The following SHD variants were observed in gnomAD, a reference collection of about 807,000 sequenced individuals.
SHD encodes Src homology 2 domain containing transforming protein D.
In SHD, 29 loss-of-function variants were observed where a neutral mutation model predicts 31.2. The ratio of observed to expected loss-of-function variants is 0.93; its 90% CI spans 0.69 to 1.27. The LOEUF (loss-of-function observed/expected upper bound fraction) is 1.27. Among genes scored for constraint, SHD ranks in the 50% most tolerant of loss-of-function variants. The pLI is 0.00. For missense variants in SHD, 520 were observed against 453.8 expected (o/e 1.15, Z -1.33); for synonymous variants, 208 against 187.8 (o/e 1.11, Z -0.88).
intron 3 of SHD, among the ~76,000 whole-genome samples, chr19:4,284,102 G>A (rs1971284478): frequency 6.6e-6 from 1 of 151,754 alleles, no homozygotes; most frequent in Admixed American, 6.6e-5. Flanking sequence ...TCAGGAGTTC[G>A]AGACCAGCCT....
chr19:4,289,938 C>T (rs560299706), intron 5 of SHD, among the ~76,000 whole-genome samples: 235 of 151,086 alleles, frequency 1.6e-3, no homozygotes, highest in Non-Finnish European at 2.7e-3. Flanking sequence ...TGCAGTGGCA[C>T]AATATCAGCT....
chr19:4,281,202 T>C (rs1017563192), intron 1 of SHD, among the ~76,000 whole-genome samples: 2 of 151,472 alleles, frequency 1.3e-5, no homozygotes, highest in African/African-American at 4.9e-5. Context: ...TCCAGCACTT[T>C]GGGAGGTCGA....
intron 4 of SHD, among the ~76,000 whole-genome samples, chr19:4,286,823 T>C (rs908035033): frequency 6.6e-6 from 1 of 151,702 alleles, no homozygotes; most frequent in African/African-American, 2.4e-5. Context: ...GAGGTTGCAG[T>C]GAGCTGAGAT....
At chr19:4,286,088 C>T (rs1457827573) in intron 4 of SHD, among the ~76,000 whole-genome samples, 1 of 151,504 alleles carries the variant, frequency 6.6e-6, no homozygotes, top group Non-Finnish European at 1.5e-5. Flanking sequence ...GACAGAGTTT[C>T]ACCATGTTAG....
intron 3 of SHD, 21 bp downstream of exon 3, chr19:4,283,263 C>G (rs753643400): frequency 4.4e-6 from 7 of 1,596,682 alleles, no homozygotes; most frequent in Non-Finnish European, 6.0e-6. Context: ...GACCCACACT[C>G]TGACATCTGA....
intron 4 of SHD, among the ~76,000 whole-genome samples, chr19:4,287,675 C>G (rs930187064): frequency 2.6e-5 from 4 of 151,938 alleles, no homozygotes; most frequent in Admixed American, 1.3e-4. Context: ...GTTCCAGCTA[C>G]TCTGGAGGCT....
At chr19:4,286,273 T>TTC (rs1971314823) in intron 4 of SHD, among the ~76,000 whole-genome samples, 1 of 122,574 alleles carries the variant, frequency 8.2e-6, no homozygotes, top group African/African-American at 2.9e-5. Flanking sequence ...CTTTCTTTCT[T>TTC]TCTTTCTTTT....
chr19:4,284,438 G>A, intron 3 of SHD: 1 of 190,816 alleles, frequency 5.2e-6, no homozygotes, highest in Non-Finnish European at 1.1e-5. Flanking sequence ...TCTGTAGATT[G>A]GGGGTGATTT....
At chr19:4,281,719 C>G (rs1234738992) in intron 1 of SHD, among the ~76,000 whole-genome samples, 3 of 152,098 alleles carry the variant, frequency 2.0e-5, no homozygotes, top group African/African-American at 7.2e-5. Flanking sequence ...CATCGCGCCA[C>G]TGCACTCCAG....
chr19:4,287,296 C>T (rs550827117), intron 4 of SHD, among the ~76,000 whole-genome samples: 159 of 151,196 alleles, frequency 1.1e-3, no homozygotes, highest in African/African-American at 2.7e-3. Flanking sequence ...CGTGCCACTG[C>T]ACTCCAGCCT....
Position 4,280,115 on chromosome 19 carries a change from C to G in SHD, c.52C>G (p.Pro18Ala). 1 of 1,612,044 alleles carries G rather than the reference C, an allele frequency of 6.2e-7. No homozygotes were observed. Among genetic ancestry groups the G allele is most frequent in the Non-Finnish European group, 8.5e-7 (1 of 1,179,374 alleles). ...YLSFGGRRPP[P>A]QPPTPDYTES... ...GAGCTTTGGGGGTCGGAGGCCCCCT[C>G]CGCAGCCGCCCACCCCGGACTACAC... Residue 18 changes from proline (P) to alanine (A), a missense_variant, in exon 1 of 6, where the codon CCG (proline) becomes GCG (alanine). By Grantham distance (27) the Pro-to-Ala change is conservative (BLOSUM62 -1). Coordinates refer to ENST00000543264, the MANE Select transcript of SHD (RefSeq NM_020209.4).
Position 4,284,865 on chromosome 19 carries a change from C to T in SHD, c.677C>T (p.Ala226Val). The T allele has an allele frequency of 6.2e-7, 1 of 1,611,822 alleles. No homozygotes were observed. Among genetic ancestry groups the T allele is most frequent in the Non-Finnish European group, 8.5e-7 (1 of 1,179,082 alleles). Reference protein sequence around the residue: ...RRPPPRSPQPAERVDPALPLE... With the variant: ...RRPPPRSPQPVERVDPALPLE... ...CCTCCGCCCAGAAGCCCCCAGCCTG[C>T]GGAGCGTGTGGACCCAGCCCTGCCC... The change falls in exon 4 of 6, where the codon GCG becomes GTG. Residue 226 changes from alanine to valine, a missense_variant. Ala to Val is a moderately conservative substitution (Grantham distance 64, BLOSUM62 0). Transcript: ENST00000543264.
intron 3 of SHD, among the ~76,000 whole-genome samples, chr19:4,283,915 A>G (rs973651545): frequency 8.6e-5 from 13 of 152,006 alleles, no homozygotes; most frequent in Admixed American, 8.5e-4. Context: ...AGTAAACTAC[A>G]GGTGAATTTC....
At position 4,279,783 on chromosome 19, in the gene SHD, G is replaced by A; in HGVS notation, c.-281G>A. The stretch of plus-strand genomic sequence containing the variant: ...CCTAGCCCCCAGCGCGCGGGGTTCG[G>A]GGCCCTGCGAGGTCCCCCCTTCCCC... On this transcript the variant is annotated 5_prime_UTR_variant, in exon 1 of 6. Transcript: ENST00000543264. This position sits in a 1 kb window ranked among gnomAD's most constrained non-coding sequence, Gnocchi z 7.5. 2.2e-6 allele frequency: 1 copy of A among 464,802 alleles called. No homozygotes were observed. The highest frequency in any genetic ancestry group is 3.8e-6 in the Non-Finnish European group (1 of 262,584). The allele number at this position is 464,802 out of a possible 1,614,324, so 28.8% of individuals were successfully genotyped here.
chr19:4,285,052 C>T (rs1971295565), intron 4 of SHD, 148 bp downstream of exon 4: 2 of 1,042,756 alleles, frequency 1.9e-6, no homozygotes, highest in East Asian at 3.0e-5. Flanking sequence ...CTAATCTTTA[C>T]GGGCTCCAGA....
intron 4 of SHD, among the ~76,000 whole-genome samples, chr19:4,287,700 G>A (rs1168086912): frequency 5.3e-5 from 8 of 151,756 alleles, no homozygotes; most frequent in Non-Finnish European, 8.8e-5. Context: ...CAGGAGAATC[G>A]CTTGAACCCA....
At chr19:4,285,086 G>C (rs1156658743) in intron 4 of SHD, among the ~76,000 whole-genome samples, 182 bp downstream of exon 4, 1 of 152,186 alleles carries the variant, frequency 6.6e-6, no homozygotes, top group African/African-American at 2.4e-5. Context: ...CAGGCACCCA[G>C]CTAGACACAA....
In SHD at chr19:4,290,614, TG is replaced by T. The variant is rs765916494; in HGVS notation, c.1006del (p.Val336SerfsTer31). On this transcript the variant is annotated frameshift_variant, in exon 6 of 6. Transcript: ENST00000543264. LOFTEE classifies it high-confidence loss of function. ...GAEHLALLYP[V>X]VTQTP is the part of the protein sequence containing the mutation. ...GAGCATCTGGCTCTGCTGTACCCCG[TG>T]GTCACGCAGACCCCCTGACAGTGAC... The T allele has an allele frequency of 6.2e-7, 1 of 1,610,132 alleles. No individual in the cohort carries two copies. Among genetic ancestry groups the T allele is most frequent in the Admixed American group, 1.7e-5 (1 of 59,622 alleles).
At chr19:4,286,714 A>G (rs906094271) in intron 4 of SHD, among the ~76,000 whole-genome samples, 1 of 151,132 alleles carries the variant, frequency 6.6e-6, no homozygotes, top group African/African-American at 2.4e-5. Context: ...CCTGGCCAAC[A>G]TGGTGAAACT....
Sources: gnomAD v4.1 joint callset for allele counts (sites outside exome capture counted in the v4.1 genomes callset) on GRCh38, gnomAD v4.1.1 for gene constraint, Gnocchi (gnomAD v3.1) non-coding constraint, MANE v1.5 for transcripts, NCBI Gene and HGNC (gene_info 2026-07-23, HGNC 2026-07-21) for gene names.